The following ASB17 variants were observed in gnomAD, a reference collection of about 807,000 sequenced individuals.
The protein encoded by ASB17 is ankyrin repeat and SOCS box protein 17.
Under a neutral mutation model 25.7 loss-of-function variants are expected in ASB17, and 26 were observed. The ratio of observed to expected loss-of-function variants is 1.01; its 90% confidence interval spans 0.74 to 1.40. The LOEUF is 1.40. Ranked by LOEUF, ASB17 falls within the 40% of genes most tolerant of loss-of-function variation. The pLI is 0.00. For synonymous variants in ASB17, 128 were observed against 121.4 expected (o/e 1.05, Z -0.36); for missense variants, 326 against 338.5 (o/e 0.96, Z 0.29).
chr1:75,926,594 C>A (rs1035751546), intron 1 of ASB17, among the ~76,000 whole-genome samples: 3 of 152,154 alleles, frequency 2.0e-5, no homozygotes, highest in African/African-American at 7.2e-5. Context: ...ACCAAAAGGA[C>A]AAGCCATTGG....
At chr1:75,919,304 T>C (rs1652966070) in intron 2 of ASB17, 146 bp from the exon 3 acceptor site, 2 of 615,438 alleles carry the variant, frequency 3.2e-6, no homozygotes, top group Admixed American at 3.4e-5. Context: ...CATTTTTACT[T>C]GAGGCAAGTA....
At chr1:75,920,758 GCTTTTCTTTT>G (rs141302515) in intron 2 of ASB17, among the ~76,000 whole-genome samples, 58 of 151,250 alleles carry the variant, frequency 3.8e-4, no homozygotes, top group South Asian at 1.3e-3. Context: ...CTGTCCTAGT[GCTTTTCTTTT>G]CTTTTCTTTT....
At chr1:75,919,846 T>A (rs1037089392) in intron 2 of ASB17, among the ~76,000 whole-genome samples, 9 of 152,194 alleles carry the variant, frequency 5.9e-5, no homozygotes, top group African/African-American at 2.2e-4. Context: ...GCAATAAACA[T>A]ATGTGTGCAT....
intron 1 of ASB17, among the ~76,000 whole-genome samples, chr1:75,929,973 G>T (rs1196350170): frequency 2.7e-5 from 4 of 145,566 alleles, no homozygotes; most frequent in Non-Finnish European, 6.1e-5. Flanking sequence ...TTGGCAGAGA[G>T]GGGGGGTGAG....
chr1:75,921,576 T>C (rs534972549), intron 2 of ASB17, among the ~76,000 whole-genome samples: 8 of 152,348 alleles, frequency 5.3e-5, no homozygotes, highest in Non-Finnish European at 1.0e-4. Context: ...GTAAAGAAGG[T>C]CTCCACATTT....
chr1:75,925,478 A>G (rs1027474866), intron 1 of ASB17, among the ~76,000 whole-genome samples: 1 of 152,134 alleles, frequency 6.6e-6, no homozygotes, highest in Non-Finnish European at 1.5e-5. Context: ...TAAAACCCAA[A>G]TAGGTTTAAA....
In ASB17 at chr1:75,932,335, A is replaced by T. The variant is rs759386731; in HGVS notation, c.-44T>A. On this transcript the variant is annotated 5_prime_UTR_variant, in exon 1 of 3. It removes an upstream start codon present in the reference 5' UTR. Transcript: ENST00000284142. ...TGTAGAAATAAAATCAGAGGTAAGC[A>T]TACTGTAATCCTCCAGTTACATATT... 6.6e-7 allele frequency: 1 copy of T among 1,507,696 alleles called. No homozygotes were observed. Among genetic ancestry groups the T allele is most frequent in the East Asian group, 2.3e-5 (1 of 44,014 alleles). The allele number at this position is 1,507,696 out of a possible 1,614,324, so 93.4% of individuals were successfully genotyped here.
intron 1 of ASB17, among the ~76,000 whole-genome samples, chr1:75,922,659 G>A (rs577426355): frequency 1.1e-3 from 161 of 151,906 alleles, no homozygotes; most frequent in Non-Finnish European, 1.7e-3. Flanking sequence ...ACCACACCTG[G>A]CTAATTTTGT....
intron 1 of ASB17, among the ~76,000 whole-genome samples, chr1:75,927,254 A>G (rs1390550028): frequency 6.6e-6 from 1 of 152,296 alleles, no homozygotes; most frequent in East Asian, 1.9e-4. Context: ...CAGAACTATA[A>G]GAACTAAACT....
In ASB17 at chr1:75,922,259, G is replaced by T. The variant is rs1372685489; in HGVS notation, c.502C>A (p.Gln168Lys). The T allele has an allele frequency of 6.2e-7, 1 of 1,613,004 alleles. No homozygotes were observed. The highest frequency in any genetic ancestry group is 1.7e-5 in the Admixed American group (1 of 59,970). ...RQSNIFKILLQYGILEREKNP... is the reference protein window; with the variant it reads ...RQSNIFKILLKYGILEREKNP... ...TTTTCTCTTTCTAAGATTCCATATTGCAGTAGTATTTTGAAGATATTAGAC... is the reference window on the plus strand; with the variant it reads ...TTTTCTCTTTCTAAGATTCCATATTTCAGTAGTATTTTGAAGATATTAGAC... The change falls in exon 2 of 3, where the codon CAA (glutamine) becomes AAA (lysine). Residue 168 changes from glutamine (Q) to lysine (K), a missense_variant. Gln to Lys is a moderately conservative substitution (Grantham distance 53). Coordinates refer to ENST00000284142, the MANE Select transcript of ASB17 (RefSeq NM_080868.3).
intron 1 of ASB17, among the ~76,000 whole-genome samples, chr1:75,925,303 T>C (rs1653140289): frequency 6.6e-6 from 1 of 152,086 alleles, no homozygotes; most frequent in Non-Finnish European, 1.5e-5. Context: ...TAAGAAAATA[T>C]TTGACTTAAG....
At position 75,919,021 on chromosome 1, in the gene ASB17, C is replaced by T. The variant is rs760893938; in HGVS notation, c.819G>A (p.Met273Ile). The change falls in exon 3 of 3, where the codon ATG becomes ATA. Residue 273 changes from methionine to isoleucine, a missense_variant. By Grantham distance (10) the Met-to-Ile change is conservative (BLOSUM62 1). Transcript: ENST00000284142. ...GAAGTGAAAATATTCCATCTGGGAG[C>T]ATATTGTTGGTTAATAGTTGATTCC... ...TIRNQLLTNN[M>I]LPDGIFSLLI... The T allele has an allele frequency of 2.5e-6, 4 of 1,612,746 alleles. No homozygotes were observed. Among genetic ancestry groups the T allele is most frequent in the Admixed American group, 3.3e-5 (2 of 59,990 alleles).
chr1:75,919,359 A>G (rs1337275413), intron 2 of ASB17, among the ~76,000 whole-genome samples: 2 of 152,008 alleles, frequency 1.3e-5, no homozygotes, highest in Non-Finnish European at 2.9e-5. Flanking sequence ...CAAATAATCT[A>G]TATGTCTAAG....
chr1:75,927,170 G>C (rs1653194665), intron 1 of ASB17, among the ~76,000 whole-genome samples: 2 of 152,118 alleles, frequency 1.3e-5, no homozygotes, highest in Admixed American at 6.5e-5. Flanking sequence ...TTCTTCCCTA[G>C]AGCCTCCGTA....
intron 1 of ASB17, among the ~76,000 whole-genome samples, chr1:75,925,390 T>C (rs1013196684): frequency 1.3e-5 from 2 of 152,146 alleles, no homozygotes; most frequent in East Asian, 1.9e-4. Flanking sequence ...GATTTAGAGA[T>C]ATTTGTTGAT....
chr1:75,928,688 T>G (rs547651231), intron 1 of ASB17, among the ~76,000 whole-genome samples: 6 of 152,348 alleles, frequency 3.9e-5, no homozygotes, highest in African/African-American at 1.4e-4. Context: ...TTATAGCTAC[T>G]TGGGCAGGGT....
intron 1 of ASB17, among the ~76,000 whole-genome samples, chr1:75,929,161 G>A (rs1276095484): frequency 1.3e-5 from 2 of 152,088 alleles, no homozygotes; most frequent in East Asian, 1.9e-4. Flanking sequence ...TACAAGATGG[G>A]GTTTGGGAGA....
chr1:75,923,205 AT>A (rs1653076193), intron 1 of ASB17, among the ~76,000 whole-genome samples: 1 of 152,164 alleles, frequency 6.6e-6, no homozygotes, highest in East Asian at 1.9e-4. Flanking sequence ...CTTTAATAAA[AT>A]TAGAGTTGGT....
intron 1 of ASB17, among the ~76,000 whole-genome samples, chr1:75,927,416 T>C (rs1653200707): frequency 1.3e-5 from 2 of 152,122 alleles, no homozygotes; most frequent in Admixed American, 1.3e-4. Context: ...TCACTTACCG[T>C]GTCTTGTAAT....
Sources: allele counts gnomAD v4.1 joint callset (sites outside exome capture counted in the v4.1 genomes callset), GRCh38; gene constraint gnomAD v4.1.1; transcripts MANE v1.5; gene names NCBI Gene and HGNC (gene_info 2026-07-23, HGNC 2026-07-21).